The following CAST variants were observed in gnomAD, a reference collection of about 807,000 sequenced individuals.
The protein encoded by CAST is MIR583 host.
A neutral mutation model predicts 119.6 loss-of-function variants in CAST; 76 were observed. The ratio of observed to expected loss-of-function variants is 0.64; its 90% CI spans 0.53 to 0.77. The LOEUF (loss-of-function observed/expected upper bound fraction) is 0.77. CAST is among the 30% of genes least tolerant of loss of function. The pLI is 0.00. For synonymous variants in CAST, 319 were observed against 331.6 expected (o/e 0.96, Z 0.41); for missense variants, 953 against 946.5 (o/e 1.01, Z -0.09).
At chr5:96,194,859 G>A in the CAST span, among the ~76,000 whole-genome samples, 1 of 152,332 alleles carries the variant, frequency 6.6e-6, no homozygotes, top group South Asian at 2.1e-4. Flanking sequence ...GGGCCAAGTG[G>A]CCCATAAACT....
At chr5:95,981,699 C>A in the CAST span, among the ~76,000 whole-genome samples, 219 of 152,186 alleles carry the variant, frequency 1.4e-3, no homozygotes, top group Admixed American at 2.2e-3. Flanking sequence ...CATAGTGAAA[C>A]CCCATCTCTA....
intron 16 of CAST, 25 bp downstream of exon 16, chr5:96,742,781 A>G (rs1318427381): frequency 1.3e-6 from 2 of 1,532,046 alleles, no homozygotes; most frequent in East Asian, 2.3e-5. Flanking sequence ...GTTGATTTAC[A>G]AAGCTTGTTA....
chr5:96,450,758 G>A, the CAST span, among the ~76,000 whole-genome samples: 5 of 151,976 alleles, frequency 3.3e-5, no homozygotes, highest in East Asian at 9.6e-4. Flanking sequence ...CTTTCTGAAG[G>A]CTTTTGAAAA....
chr5:96,177,723 A>G, the CAST span, among the ~76,000 whole-genome samples: 2 of 152,192 alleles, frequency 1.3e-5, no homozygotes, highest in African/African-American at 4.8e-5. Context: ...GGAGGAACTG[A>G]TTCATCTGTT....
chr5:96,198,146 G>A, the CAST span, among the ~76,000 whole-genome samples: 11 of 152,212 alleles, frequency 7.2e-5, no homozygotes, highest in East Asian at 9.7e-4. Context: ...TGTAGAGAAG[G>A]CGGCCTTTGC....
At chr5:96,085,739 A>T in the CAST span, among the ~76,000 whole-genome samples, 4 of 152,296 alleles carry the variant, frequency 2.6e-5, no homozygotes, top group Admixed American at 2.6e-4. Flanking sequence ...AGCAGCTGTC[A>T]CTCATGGGCT....
chr5:96,425,044 GAAAGAAAGAAAGAAAGAAAGAA>G, the CAST span, among the ~76,000 whole-genome samples: 1 of 127,182 alleles, frequency 7.9e-6, no homozygotes, highest in African/African-American at 2.7e-5. Flanking sequence ...AAGAAAGAAA[GAAAGAAAGAAAGAAAGAAAGAA>G]AGAAAGAAAA....
At chr5:96,412,762 T>TTTTTTTTTTTTTTTG in the CAST span, among the ~76,000 whole-genome samples, 1 of 144,360 alleles carries the variant, frequency 6.9e-6, no homozygotes, top group Admixed American at 6.8e-5. Context: ...GTTTTTTTTT[T>TTTTTTTTTTTTTTTG]TTTTTTTTTT....
intron 4 of CAST, among the ~76,000 whole-genome samples, chr5:96,724,015 G>A (rs761924129): frequency 2.6e-5 from 4 of 151,896 alleles, no homozygotes; most frequent in Non-Finnish European, 5.9e-5. Flanking sequence ...AAGTTCTTAT[G>A]TCATTTAGCA....
At chr5:95,971,301 G>T in the CAST span, among the ~76,000 whole-genome samples, 1 of 152,058 alleles carries the variant, frequency 6.6e-6, no homozygotes, top group Non-Finnish European at 1.5e-5. Flanking sequence ...ATATAGGCTT[G>T]CACAGATTAA....
intron 1 of CAST, among the ~76,000 whole-genome samples, chr5:96,668,316 A>G (rs1259188133): frequency 6.6e-6 from 1 of 152,278 alleles, no homozygotes; most frequent in Admixed American, 6.5e-5. Flanking sequence ...TGAGAATAAT[A>G]TATAATACAC....
the CAST span, among the ~76,000 whole-genome samples, chr5:96,324,925 C>CCAGG: frequency 6.6e-6 from 1 of 152,092 alleles, no homozygotes; most frequent in African/African-American, 2.4e-5. Flanking sequence ...TGATTGGTTG[C>CCAGG]CAGGCACAGT....
chr5:96,505,484 A>T, the CAST span, among the ~76,000 whole-genome samples: 1,805 of 152,270 alleles, frequency 0.012, 27 homozygotes, highest in African/African-American at 0.039. Context: ...GTCTCAAAAA[A>T]AATAATAAAA....
chr5:96,102,415 C>A, the CAST span, among the ~76,000 whole-genome samples: 1 of 152,152 alleles, frequency 6.6e-6, no homozygotes, highest in Admixed American at 6.5e-5. Context: ...CGAGCCAGTT[C>A]TCTCCCCTAC....
At position 96,607,598 on chromosome 5, in the gene CAST, T is replaced by G. The variant is rs1187174345; in HGVS notation, c.61-67941T>G. On this transcript the variant is annotated intron_variant, in intron 1 of 11. Coordinates refer to the CAST transcript ENST00000505143. ...ACTACCTCTGCATGAATGTATGTTCTTTCATATGTTTAAACACGTATTTGT... is the reference window on the plus strand; with the variant it reads ...ACTACCTCTGCATGAATGTATGTTCGTTCATATGTTTAAACACGTATTTGT... 2.6e-5 allele frequency among the ~76,000 whole-genome samples: 4 copies of G among 152,252 alleles called. No individual in the cohort carries two copies. The East Asian group carries it at 7.7e-4, about 29-fold the overall frequency.
the CAST span, among the ~76,000 whole-genome samples, chr5:96,043,015 A>G: frequency 5.9e-5 from 9 of 152,298 alleles, no homozygotes; most frequent in East Asian, 5.8e-4. Context: ...GTATCAATGT[A>G]TGTATTGCCT....
At chr5:96,183,160 AAATAATAATAATAATAAT>A in the CAST span, among the ~76,000 whole-genome samples, 2 of 143,270 alleles carry the variant, frequency 1.4e-5, no homozygotes, top group East Asian at 2.0e-4. Context: ...AAAATAAATA[AAATAATAATAATAATAAT>A]AATAATAATA....
the CAST span, among the ~76,000 whole-genome samples, chr5:96,149,486 A>G: frequency 3.9e-5 from 6 of 152,226 alleles, no homozygotes; most frequent in Non-Finnish European, 8.8e-5. Context: ...CCAAGTGAGA[A>G]GAACATGGCA....
At chr5:96,679,702 T>A (rs575790956) in intron 2 of CAST, 1 of 152,320 alleles carries the variant, frequency 6.6e-6, no homozygotes, top group South Asian at 2.1e-4. Context: ...TTTTTTACAT[T>A]TTCCTTACTC....
Sources: allele counts gnomAD v4.1 joint callset (sites outside exome capture counted in the v4.1 genomes callset), GRCh38; gene constraint gnomAD v4.1.1; transcripts MANE v1.5; gene names NCBI Gene and HGNC (gene_info 2026-07-23, HGNC 2026-07-21).